The following PRMT3 variants were observed in gnomAD, a reference collection of about 807,000 sequenced individuals.
PRMT3 encodes the protein protein arginine N-methyltransferase 3.
PRMT3 carries 62 observed loss-of-function variants against 71.9 expected under a neutral mutation model. That is an observed-to-expected ratio of 0.86 (90% CI 0.70 to 1.07). PRMT3 has a LOEUF of 1.07. PRMT3 is among the 50% of genes least tolerant of loss of function. The pLI, the probability that PRMT3 is intolerant of heterozygous loss-of-function variation, is 0.00. For missense variants in PRMT3, 663 were observed against 643.0 expected (o/e 1.03, Z -0.34); for synonymous variants, 213 against 220.4 (o/e 0.97, Z 0.30).
intron 13 of PRMT3, among the ~76,000 whole-genome samples, chr11:20,485,832 TA>T (rs1344350496): frequency 6.6e-6 from 1 of 152,190 alleles, no homozygotes; most frequent in East Asian, 1.9e-4. Flanking sequence ...GAAGTCAACA[TA>T]ACCTAAATAG....
chr11:20,453,577 C>T (rs1484045610), intron 11 of PRMT3, among the ~76,000 whole-genome samples: 1 of 151,820 alleles, frequency 6.6e-6, no homozygotes, highest in Non-Finnish European at 1.5e-5. Flanking sequence ...AAATGGATTG[C>T]CTTTCTTTTT....
intron 9 of PRMT3, among the ~76,000 whole-genome samples, chr11:20,418,198 G>A (rs928352802): frequency 2.6e-5 from 4 of 152,114 alleles, no homozygotes; most frequent in Non-Finnish European, 2.9e-5. Context: ...TTATTACCTC[G>A]TCATAGTTCT....
chr11:20,453,943 T>C (rs1164768622), intron 11 of PRMT3, among the ~76,000 whole-genome samples: 1 of 152,170 alleles, frequency 6.6e-6, no homozygotes, highest in Non-Finnish European at 1.5e-5. Flanking sequence ...TTTTAGAACA[T>C]GGAGCATTTC....
chr11:20,486,337 G>T (rs998659090), intron 13 of PRMT3, among the ~76,000 whole-genome samples: 1 of 152,108 alleles, frequency 6.6e-6, no homozygotes, highest in African/African-American at 2.4e-5. Flanking sequence ...GTTTAAATGA[G>T]GGAAGAGAAA....
chr11:20,473,083 G>T (rs977887851), intron 13 of PRMT3, among the ~76,000 whole-genome samples: 7 of 151,974 alleles, frequency 4.6e-5, no homozygotes, highest in Non-Finnish European at 1.0e-4. Flanking sequence ...GGAGACCACG[G>T]TAATATTCCT....
intron 4 of PRMT3, among the ~76,000 whole-genome samples, chr11:20,392,588 G>A (rs549242064): frequency 1.4e-4 from 21 of 149,854 alleles, no homozygotes; most frequent in African/African-American, 4.9e-4. Flanking sequence ...TATTTTGGTT[G>A]CTCTTTTTTA....
intron 9 of PRMT3, among the ~76,000 whole-genome samples, chr11:20,410,652 G>A (rs1225912930): frequency 6.6e-6 from 1 of 151,898 alleles, no homozygotes. Context: ...TTATTAGTTA[G>A]AAGACCTTCT....
In PRMT3 at chr11:20,462,012, G is replaced by T. The variant is rs931915534; in HGVS notation, c.1105G>T (p.Ala369Ser). Residue 369 changes from alanine to serine, a missense_variant, in exon 12 of 16, where the codon GCA becomes TCA. By Grantham distance (99) the Ala-to-Ser change is moderately conservative (BLOSUM62 1). Coordinates refer to ENST00000331079, the MANE Select transcript of PRMT3 (RefSeq NM_005788.4). ...TGACATTTGCACTATCAGCCTTGTA[G>T]CAGTGAGTGATGTGAATAAACATGC... is the stretch of plus-strand genomic sequence containing the variant. The part of the protein sequence containing the change: ...YPDICTISLV[A>S]VSDVNKHADR... The T allele has an allele frequency of 6.2e-7, 1 of 1,608,558 alleles. No individual in the cohort carries two copies. The highest frequency in any genetic ancestry group is 1.3e-5 in the African/African-American group (1 of 74,842).
intron 3 of PRMT3, among the ~76,000 whole-genome samples, chr11:20,391,382 A>G (rs1286511683): frequency 1.3e-5 from 2 of 151,790 alleles, no homozygotes; most frequent in South Asian, 4.2e-4. Context: ...AGTAGCTGGG[A>G]TTATAGGCAT....
chr11:20,397,754 A>T, intron 7 of PRMT3, 33 bp downstream of exon 7: 1 of 1,604,734 alleles, frequency 6.2e-7, no homozygotes, highest in East Asian at 2.2e-5. Flanking sequence ...TCAAATCCAT[A>T]CTAAAGGAAA....
Position 20,408,034 on chromosome 11 carries a change from T to C in PRMT3, c.893+2T>C, listed in dbSNP as rs769317675. On this transcript the variant is annotated splice_donor_variant, in intron 9 of 15. Transcript: ENST00000331079. LOFTEE classifies it high-confidence loss of function. ...TTACCAGGCAATGGATATTATAAGG[T>C]ACATATATTTTAAGCCTTCATTTAA... 1 of 1,534,112 alleles carries C rather than the reference T, an allele frequency of 6.5e-7. No homozygotes were observed. The highest frequency in any genetic ancestry group is 1.4e-5 in the African/African-American group (1 of 72,020).
intron 7 of PRMT3, 132 bp downstream of exon 7, chr11:20,397,853 T>C: frequency 1.2e-6 from 1 of 861,864 alleles, no homozygotes; most frequent in Non-Finnish European, 1.7e-6. Flanking sequence ...AACACCTCTT[T>C]GGTGCTTGGT....
At chr11:20,396,171 G>A (rs1329549739) in intron 6 of PRMT3, among the ~76,000 whole-genome samples, 1 of 152,128 alleles carries the variant, frequency 6.6e-6, no homozygotes, top group African/African-American at 2.4e-5. Flanking sequence ...ATTCTGATAT[G>A]TTCTGACAAA....
intron 13 of PRMT3, among the ~76,000 whole-genome samples, chr11:20,492,873 A>G (rs1327209769): frequency 2.0e-5 from 3 of 152,216 alleles, no homozygotes; most frequent in South Asian, 4.1e-4. Flanking sequence ...CCTGACCAAC[A>G]TGGTGAAACC....
intron 13 of PRMT3, among the ~76,000 whole-genome samples, chr11:20,475,356 G>A (rs1318623109): frequency 2.0e-5 from 3 of 152,168 alleles, no homozygotes; most frequent in African/African-American, 7.2e-5. Context: ...GGGTTGAGAT[G>A]TTTGCCCAGT....
In PRMT3 at chr11:20,417,165, CTGAA is replaced by C. The variant is rs758933233; in HGVS notation, c.893+9135_893+9138del. ...TAATTTCATTCCCTTTTTTCTCTCA[CTGAA>C]TTATGAGATTCTTTGGCTCTTTGAT... is the stretch of plus-strand genomic sequence containing the variant. On this transcript the variant is annotated intron_variant, in intron 9 of 15. Coordinates refer to ENST00000331079, the MANE Select transcript of PRMT3 (RefSeq NM_005788.4). Among the ~76,000 whole-genome samples, 683 of 152,246 alleles carry C rather than the reference CTGAA, an allele frequency of 4.5e-3. 5 individuals are homozygous for C. Among genetic ancestry groups the C allele is most frequent in the Non-Finnish European group, 6.5e-3 (443 of 68,020 alleles).
rs549345681 is a variant in PRMT3, at chr11:20,424,061, G to C, written c.894-2705G>C. On this transcript the variant is annotated intron_variant, in intron 9 of 15. Coordinates refer to ENST00000331079, the MANE Select transcript of PRMT3 (RefSeq NM_005788.4). ...TAGCTGGGTGTGGTGGCGGGCGCCT[G>C]TAGTCCCAGCTACTCGGGAGGCTGA... Among the ~76,000 whole-genome samples, 26 of 151,562 alleles carry C rather than the reference G, an allele frequency of 1.7e-4. No individual in the cohort carries two copies. In the South Asian group the frequency reaches 5.2e-3, roughly 30 times the overall value.
intron 13 of PRMT3, among the ~76,000 whole-genome samples, chr11:20,487,196 C>T (rs1338516127): frequency 6.6e-6 from 1 of 152,140 alleles, no homozygotes; most frequent in African/African-American, 2.4e-5. Context: ...AGCAAATGAT[C>T]CCTGATGGAA....
chr11:20,423,873 TAAAAAAAAAAAAAAA>T (rs58636447), intron 9 of PRMT3, among the ~76,000 whole-genome samples: 10 of 27,102 alleles, frequency 3.7e-4, no homozygotes, highest in East Asian at 8.5e-4. Flanking sequence ...GATTCTCTCT[TAAAAAAAAAAAAAAA>T]AAAAAAAAAA....
Sources: gnomAD v4.1 joint callset for allele counts (sites outside exome capture counted in the v4.1 genomes callset) on GRCh38, gnomAD v4.1.1 for gene constraint, MANE v1.5 for transcripts, NCBI Gene and HGNC (gene_info 2026-07-23, HGNC 2026-07-21) for gene names.